Variants in UXS1 observed in about 807,000 individuals in gnomAD.
UXS1 encodes the protein UDP-glucuronic acid decarboxylase 1.
In UXS1, 33 loss-of-function variants were observed where a neutral mutation model predicts 62.6. The ratio of observed to expected loss-of-function variants is 0.53; its 90% CI spans 0.40 to 0.70. UXS1 has a LOEUF of 0.70. UXS1 is among the 30% of genes least tolerant of loss of function. The probability of loss-of-function intolerance (pLI) is 0.00; values close to 1 mark genes in which losing one functional copy is unlikely to be tolerated. For missense variants in UXS1, 434 were observed against 556.3 expected (o/e 0.78, Z 2.21); for synonymous variants, 213 against 206.8 (o/e 1.03, Z -0.26).
At chr2:106,111,185 T>C (rs949079902) in intron 10 of UXS1, among the ~76,000 whole-genome samples, 18 of 152,284 alleles carry the variant, frequency 1.2e-4, no homozygotes, top group Admixed American at 9.1e-4. Context: ...GCGGCAGCAG[T>C]GTAGACCAGG....
chr2:106,116,415 C>T (rs75586188), intron 9 of UXS1, among the ~76,000 whole-genome samples: 2,907 of 152,254 alleles, frequency 0.019, 41 homozygotes, highest in East Asian at 0.064. Context: ...TTCTACAACT[C>T]GAGATGGCCA....
At chr2:106,127,546 G>A (rs1280935565) in intron 7 of UXS1, among the ~76,000 whole-genome samples, 1 of 152,164 alleles carries the variant, frequency 6.6e-6, no homozygotes, top group African/African-American at 2.4e-5. Context: ...GAAGCCAAGG[G>A]AGCTATCCTG....
At position 106,166,272 on chromosome 2, in the gene UXS1, G is replaced by A. The variant is rs1167486114; in HGVS notation, c.95-189C>T. 1.0e-5 allele frequency: 6 copies of A among 575,650 alleles called. No individual in the cohort carries two copies. In the East Asian group the frequency reaches 1.3e-4, roughly 12 times the overall value. 35.7% of individuals were successfully genotyped at this position (575,650 alleles called of 1,614,324 possible). A position where few individuals can be genotyped will look rare whatever the true frequency, so the allele number is the denominator to read the frequency against. On this transcript the variant is annotated intron_variant, in intron 1 of 14. Transcript: ENST00000283148. ...CTACAAAATAAGTAAAAACAGGATC[G>A]TAGAGTTTATTCAGGCCAAGTTTGA...
At chr2:106,112,855 A>T (rs1255241809) in intron 9 of UXS1, 90 bp from the exon 10 acceptor site, 1 of 1,490,836 alleles carries the variant, frequency 6.7e-7, no homozygotes, top group Admixed American at 2.3e-5. Context: ...TGCAATGCAG[A>T]ATGGAAACGT....
chr2:106,155,618 A>C (rs545967214), intron 5 of UXS1, among the ~76,000 whole-genome samples: 1 of 152,328 alleles, frequency 6.6e-6, no homozygotes, highest in South Asian at 2.1e-4. Flanking sequence ...GCAATAGGTC[A>C]TACCATGTAG....
chr2:106,106,044 A>G (rs887885084), intron 10 of UXS1, among the ~76,000 whole-genome samples: 2 of 152,146 alleles, frequency 1.3e-5, no homozygotes, highest in African/African-American at 4.8e-5. Context: ...CTGAGAAGGA[A>G]AAGGGGAAGG....
At chr2:106,111,837 G>T (rs1308736986) in intron 10 of UXS1, among the ~76,000 whole-genome samples, 1 of 152,118 alleles carries the variant, frequency 6.6e-6, no homozygotes, top group Non-Finnish European at 1.5e-5. Context: ...AAATCGACTC[G>T]AGTCCCACAA....
intron 1 of UXS1, among the ~76,000 whole-genome samples, chr2:106,175,421 C>T (rs183319405): frequency 1.3e-5 from 2 of 152,338 alleles, no homozygotes; most frequent in Admixed American, 6.5e-5. Flanking sequence ...AGGGATACTC[C>T]AAAGTGACAC....
chr2:106,113,032 C>A (rs1678747429), intron 9 of UXS1, among the ~76,000 whole-genome samples: 1 of 152,158 alleles, frequency 6.6e-6, no homozygotes, highest in African/African-American at 2.4e-5. Flanking sequence ...AGAAAACCAG[C>A]CAAACAGTAC....
chr2:106,108,765 A>G (rs1678318556), intron 10 of UXS1, among the ~76,000 whole-genome samples: 1 of 152,162 alleles, frequency 6.6e-6, no homozygotes, highest in Admixed American at 6.5e-5. Context: ...AGCTCTCATG[A>G]TCACTTAGCA....
chr2:106,163,814 C>T, intron 3 of UXS1, 104 bp from the exon 4 acceptor site: 1 of 610,724 alleles, frequency 1.6e-6, no homozygotes, highest in South Asian at 4.2e-5. Flanking sequence ...GTTTTAATTT[C>T]TTCTACAAAT....
At chr2:106,099,685 G>A (rs1350156202) in intron 12 of UXS1, among the ~76,000 whole-genome samples, 3 of 152,190 alleles carry the variant, frequency 2.0e-5, no homozygotes, top group Admixed American at 2.0e-4. Flanking sequence ...GGCTGCCCAG[G>A]GAAGTCACTG....
chr2:106,172,974 G>T (rs1440991467), intron 1 of UXS1, among the ~76,000 whole-genome samples: 1 of 152,136 alleles, frequency 6.6e-6, no homozygotes, highest in Non-Finnish European at 1.5e-5. Flanking sequence ...TTATAAAAGA[G>T]GTCTTCTGAC....
intron 1 of UXS1, among the ~76,000 whole-genome samples, chr2:106,187,856 T>C (rs1214528429): frequency 1.3e-5 from 2 of 151,682 alleles, no homozygotes; most frequent in Non-Finnish European, 2.9e-5. Context: ...TTCTCCTGCC[T>C]CAGCCTCCTG....
intron 8 of UXS1, 77 bp from the exon 9 acceptor site, chr2:106,123,168 A>C: frequency 6.3e-7 from 1 of 1,584,602 alleles, no homozygotes. Context: ...TTTATGATGC[A>C]AAAGGGAACT....
chr2:106,113,061 T>C (rs1238619030), intron 9 of UXS1, among the ~76,000 whole-genome samples: 1 of 152,190 alleles, frequency 6.6e-6, no homozygotes, highest in Non-Finnish European at 1.5e-5. Context: ...AAAACGTGTA[T>C]TTATATAATT....
At chr2:106,112,798 TC>T in intron 9 of UXS1, 33 bp from the exon 10 acceptor site, 2 of 1,605,284 alleles carry the variant, frequency 1.2e-6, no homozygotes, top group Non-Finnish European at 1.7e-6. Context: ...TCAGGTGTGC[TC>T]CCCTGTGTGG....
chr2:106,102,069 T>A (rs552503686), intron 11 of UXS1: 2 of 152,336 alleles, frequency 1.3e-5, no homozygotes, highest in African/African-American at 4.8e-5. Context: ...AAAAAACCTA[T>A]TGGGGTATTT....
intron 1 of UXS1, among the ~76,000 whole-genome samples, chr2:106,174,008 C>G (rs939405092): frequency 6.6e-5 from 10 of 151,194 alleles, no homozygotes; most frequent in African/African-American, 1.9e-4. Context: ...GCTGCAGTCA[C>G]CTGAGTCCTG....
Sources: allele counts gnomAD v4.1 joint callset (sites outside exome capture counted in the v4.1 genomes callset), GRCh38; gene constraint gnomAD v4.1.1; transcripts MANE v1.5; gene names NCBI Gene and HGNC (gene_info 2026-07-23, HGNC 2026-07-21).